Variants in C12orf42 observed in about 807,000 individuals in gnomAD.
C12orf42 encodes uncharacterized protein C12orf42.
C12orf42 carries 25 observed loss-of-function variants against 21.6 expected under a neutral mutation model. That is an observed-to-expected ratio of 1.16 (90% CI 0.84 to 1.62). C12orf42 has a LOEUF of 1.62. Among genes scored for constraint, C12orf42 ranks in the 40% most tolerant of loss-of-function variants. The pLI is 0.00. For missense variants in C12orf42, 483 were observed against 459.3 expected (o/e 1.05, Z -0.47); for synonymous variants, 174 against 175.0 (o/e 0.99, Z 0.05).
At chr12:103,152,078 C>T in the C12orf42 span, among the ~76,000 whole-genome samples, 1 of 152,142 alleles carries the variant, frequency 6.6e-6, no homozygotes, top group African/African-American at 2.4e-5. Context: ...GAGAAAACCC[C>T]AGCCAATAGC....
At chr12:103,534,379 C>A in the C12orf42 span, among the ~76,000 whole-genome samples, 1 of 152,074 alleles carries the variant, frequency 6.6e-6, no homozygotes, top group Non-Finnish European at 1.5e-5. Flanking sequence ...CTGCTGACTA[C>A]ATGCCAAGCG....
the C12orf42 span, among the ~76,000 whole-genome samples, chr12:103,071,948 T>G: frequency 2.6e-5 from 4 of 152,128 alleles, no homozygotes; most frequent in Non-Finnish European, 5.9e-5. Context: ...CAGCTACGTA[T>G]CTCCCTTGTT....
intron 1 of C12orf42, among the ~76,000 whole-genome samples, chr12:103,484,928 G>T: frequency 6.9e-6 from 1 of 144,684 alleles, no homozygotes; most frequent in African/African-American, 2.6e-5. Flanking sequence ...GGAGTGCAGT[G>T]GCACAATCTC....
chr12:103,227,782 A>T, the C12orf42 span, among the ~76,000 whole-genome samples: 1 of 152,174 alleles, frequency 6.6e-6, no homozygotes, highest in Non-Finnish European at 1.5e-5. Context: ...CTGCCTTCCC[A>T]GTCCATGACC....
In C12orf42 at chr12:103,302,507, C is replaced by CAGAAA. The variant is rs2037802169; in HGVS notation, c.683_684insTTTCT (p.Pro229PhefsTer101). On this transcript the variant is annotated frameshift_variant, in exon 6 of 6. Coordinates refer to ENST00000548883, the MANE Select transcript of C12orf42 (RefSeq NM_198521.5). LOFTEE classifies it low-confidence loss of function (END_TRUNC). Reference sequence around the variant, plus strand: ...GGCCGGTGCTCTGCAGAGCGCCGGGCGTCTGGCTCCTCCTGCAGAGGCCGA... The same window carrying CAGAAA: ...GGCCGGTGCTCTGCAGAGCGCCGGGCAGAAAGTCTGGCTCCTCCTGCAGAGGCCGA... 1 of 1,613,096 alleles carries CAGAAA rather than the reference C, an allele frequency of 6.2e-7. No individual in the cohort carries two copies. Among genetic ancestry groups the CAGAAA allele is most frequent in the African/African-American group, 1.3e-5 (1 of 74,852 alleles).
intron 2 of C12orf42, among the ~76,000 whole-genome samples, chr12:103,411,626 G>T (rs910973681): frequency 3.9e-5 from 6 of 152,072 alleles, no homozygotes; most frequent in African/African-American, 1.4e-4. Context: ...AGAAGCCAGG[G>T]GAGCTTGTTA....
At chr12:103,298,999 A>G (rs1020800359), downstream of C12orf42, among the ~76,000 whole-genome samples, 10 of 152,164 alleles carry the variant, frequency 6.6e-5, no homozygotes. Flanking sequence ...TATAATCAGG[A>G]GGTGAGGGGA....
intron 10 of C12orf42, among the ~76,000 whole-genome samples, chr12:103,244,490 C>T (rs955538739): frequency 1.3e-4 from 20 of 151,434 alleles, no homozygotes; most frequent in African/African-American, 4.6e-4. Context: ...GAAGACCTGT[C>T]CTGACAGTTC....
chr12:103,183,122 G>C, the C12orf42 span, among the ~76,000 whole-genome samples: 6 of 151,956 alleles, frequency 3.9e-5, no homozygotes, highest in African/African-American at 1.5e-4. Context: ...CTTCTCTGTC[G>C]CCAGGCTGGA....
intron 2 of C12orf42, among the ~76,000 whole-genome samples, chr12:103,427,946 A>C (rs1949972416): frequency 6.6e-6 from 1 of 152,238 alleles, no homozygotes; most frequent in African/African-American, 2.4e-5. Flanking sequence ...GACATAACGT[A>C]CCAGAATCTC....
intron 10 of C12orf42, among the ~76,000 whole-genome samples, chr12:103,245,868 A>G (rs1166721079): frequency 2.0e-5 from 3 of 152,094 alleles, no homozygotes; most frequent in African/African-American, 4.8e-5. Context: ...AACCAAGCCC[A>G]TTAAGATACT....
chr12:103,065,671 G>A, the C12orf42 span, among the ~76,000 whole-genome samples: 10 of 152,182 alleles, frequency 6.6e-5, no homozygotes, highest in African/African-American at 2.2e-4. Context: ...CTAAAATTCA[G>A]GGACCTTCTA....
chr12:103,225,828 A>G, the C12orf42 span, among the ~76,000 whole-genome samples: 1 of 152,198 alleles, frequency 6.6e-6, no homozygotes, highest in African/African-American at 2.4e-5. Context: ...TGGAGTGGGT[A>G]GCCTCCATAT....
chr12:103,349,112 G>T (rs2042881115), intron 4 of C12orf42: 1 of 152,166 alleles, frequency 6.6e-6, no homozygotes, highest in Admixed American at 6.6e-5. Flanking sequence ...CTTAGTTAAA[G>T]TCTGTGAGAT....
In C12orf42 at chr12:103,478,497, A is replaced by T. The variant is rs527667669; in HGVS notation, c.-21-50T>A. On this transcript the variant is annotated intron_variant, in intron 1 of 5. Coordinates refer to ENST00000548883, the MANE Select transcript of C12orf42 (RefSeq NM_198521.5). ...AGAGCAGGTTTACAATGATGCAATG[A>T]TAATATTAGAGAAAAAAATGACATC... is the stretch of plus-strand genomic sequence containing the variant. The T allele has an allele frequency of 1.1e-5, 9 of 854,038 alleles. No homozygotes were observed. The East Asian group carries it at 2.1e-4, about 20-fold the overall frequency. The allele number at this position is 854,038 out of a possible 1,614,324, so 52.9% of individuals were successfully genotyped here. A position where few individuals can be genotyped will look rare whatever the true frequency, so the allele number is the denominator to read the frequency against.
At chr12:103,222,263 G>T in the C12orf42 span, among the ~76,000 whole-genome samples, 1 of 151,630 alleles carries the variant, frequency 6.6e-6, no homozygotes, top group Admixed American at 6.6e-5. Context: ...ATTTGGGTAG[G>T]TAAAGGAAAA....
At chr12:103,180,187 G>C in the C12orf42 span, among the ~76,000 whole-genome samples, 24 of 151,600 alleles carry the variant, frequency 1.6e-4, no homozygotes, top group African/African-American at 5.1e-4. Flanking sequence ...TCAGCAAAAA[G>C]CTCTTACATA....
intron 3 of C12orf42, among the ~76,000 whole-genome samples, chr12:103,380,608 A>G (rs2046081836): frequency 6.6e-6 from 1 of 152,238 alleles, no homozygotes; most frequent in South Asian, 2.1e-4. Context: ...TAAAATTTGC[A>G]AGGTAAGTTA....
chr12:103,348,945 T>G (rs1784987062), intron 4 of C12orf42, among the ~76,000 whole-genome samples: 1 of 152,180 alleles, frequency 6.6e-6, no homozygotes, highest in African/African-American at 2.4e-5. Flanking sequence ...CAGACACTGT[T>G]GATGCAAATA....
Sources: gnomAD v4.1 joint callset for allele counts (sites outside exome capture counted in the v4.1 genomes callset) on GRCh38, gnomAD v4.1.1 for gene constraint, MANE v1.5 for transcripts, NCBI Gene and HGNC (gene_info 2026-07-23, HGNC 2026-07-21) for gene names.